ZFYVE26: variants seen among roughly 807,000 people sequenced by gnomAD.
ZFYVE26 encodes zinc finger FYVE domain-containing protein 26.
A neutral mutation model predicts 276.5 loss-of-function variants in ZFYVE26; 181 were observed. That is an observed-to-expected ratio of 0.65 (90% confidence interval 0.58 to 0.74). The LOEUF is 0.74. Ranked by LOEUF, ZFYVE26 falls within the 30% of genes least tolerant of loss-of-function variation. ZFYVE26 has a pLI of 0.00. For missense variants in ZFYVE26, 2,821 were observed against 3,097.9 expected (o/e 0.91, Z 2.12); for synonymous variants, 1,129 against 1,203.1 (o/e 0.94, Z 1.27).
intron 13 of ZFYVE26, among the ~76,000 whole-genome samples, chr14:67,731,682 T>A (rs1422356083): frequency 2.6e-5 from 4 of 152,090 alleles, no homozygotes; most frequent in Non-Finnish European, 5.9e-5. Context: ...AAAACTGGAA[T>A]ACAAAACTAT....
chr14:67,786,646 C>T (rs2039666941), intron 16 of ZFYVE26, among the ~76,000 whole-genome samples: 1 of 152,222 alleles, frequency 6.6e-6, no homozygotes, highest in African/African-American at 2.4e-5. Context: ...CCTTACATCT[C>T]TCCTATACTC....
intron 25 of ZFYVE26, among the ~76,000 whole-genome samples, chr14:67,777,351 A>G (rs1263978603): frequency 6.6e-6 from 1 of 152,230 alleles, no homozygotes; most frequent in African/African-American, 2.4e-5. Flanking sequence ...AGGAGACTCA[A>G]CTAGGATACA....
chr14:67,743,696 C>T (rs1313865490), downstream of ZFYVE26, among the ~76,000 whole-genome samples: 1 of 152,010 alleles, frequency 6.6e-6, no homozygotes, highest in East Asian at 1.9e-4. Flanking sequence ...AAAGGCAGAT[C>T]TGGTGTGGGA....
At chr14:67,730,204 T>A (rs1414784678) in intron 13 of ZFYVE26, among the ~76,000 whole-genome samples, 2 of 152,200 alleles carry the variant, frequency 1.3e-5, no homozygotes, top group Non-Finnish European at 2.9e-5. Context: ...CGCAAGATAA[T>A]TAAGAAACTT....
chr14:67,773,082 A>T (rs1471136803), intron 27 of ZFYVE26, among the ~76,000 whole-genome samples: 1 of 152,216 alleles, frequency 6.6e-6, no homozygotes, highest in Non-Finnish European at 1.5e-5. Context: ...ACAGCTGGAG[A>T]AATTTGAATA....
At chr14:67,749,914 AGTT>A (rs968552233) in intron 41 of ZFYVE26, among the ~76,000 whole-genome samples, 3 of 152,228 alleles carry the variant, frequency 2.0e-5, no homozygotes, top group African/African-American at 7.2e-5. Context: ...AGTTGAATGA[AGTT>A]GTTTTTTGGC....
At chr14:67,745,348 C>G (rs767615893), downstream of ZFYVE26, among the ~76,000 whole-genome samples, 8 of 152,154 alleles carry the variant, frequency 5.3e-5, no homozygotes, top group Non-Finnish European at 8.8e-5. Context: ...CTCTCCCATT[C>G]TGTAGGTTGC....
At chr14:67,789,744 C>T (rs2039762421) in intron 15 of ZFYVE26, 146 bp from the exon 16 acceptor site, 2 of 1,068,530 alleles carry the variant, frequency 1.9e-6, no homozygotes, top group Non-Finnish European at 2.8e-6. Flanking sequence ...CATTATGGCC[C>T]ACTCTTATAG....
At chr14:67,813,861 C>A (rs2040348032) in intron 3 of ZFYVE26, 125 bp downstream of exon 3, 1 of 753,098 alleles carries the variant, frequency 1.3e-6, no homozygotes, top group South Asian at 1.5e-5. Flanking sequence ...TTAAGCCATT[C>A]TTTGAGAATG....
At position 67,806,072 on chromosome 14, in the gene ZFYVE26, T is replaced by C. The variant is rs529696857; in HGVS notation, c.1018-454A>G. Among the ~76,000 whole-genome samples the C allele has an allele frequency of 5.3e-5, 8 of 152,280 alleles. No homozygotes were observed. The South Asian group carries it at 1.7e-3, about 32-fold the overall frequency. On this transcript the variant is annotated intron_variant, in intron 6 of 41. Coordinates refer to ENST00000347230, the MANE Select transcript of ZFYVE26 (RefSeq NM_015346.4). Reference sequence around the variant, plus strand: ...GTGAATTGAGTAAAATAAATGTTTATGAAAACACTAGACTGTGAGCTCCCT... The same window carrying C: ...GTGAATTGAGTAAAATAAATGTTTACGAAAACACTAGACTGTGAGCTCCCT...
intron 10 of ZFYVE26, chr14:67,799,000 C>T (rs778701285): frequency 1.8e-6 from 2 of 1,137,472 alleles, no homozygotes; most frequent in Non-Finnish European, 2.7e-6. Context: ...ATACTCTCTG[C>T]CCTCAGATCC....
At chr14:67,800,686 A>T (rs1455732133) in intron 10 of ZFYVE26, among the ~76,000 whole-genome samples, 3 of 152,164 alleles carry the variant, frequency 2.0e-5, no homozygotes, top group Non-Finnish European at 4.4e-5. Context: ...TGGTATGAGA[A>T]TATATGGAAT....
chr14:67,810,104 C>T (rs2040269719), intron 3 of ZFYVE26, among the ~76,000 whole-genome samples: 1 of 152,156 alleles, frequency 6.6e-6, no homozygotes, highest in African/African-American at 2.4e-5. Flanking sequence ...TCTTTATAAA[C>T]AAAAATAGCT....
At chr14:67,738,331 TTATATACTAATATACTTA>T (rs1338570551) in intron 13 of ZFYVE26, among the ~76,000 whole-genome samples, 1 of 148,382 alleles carries the variant, frequency 6.7e-6, no homozygotes, top group Non-Finnish European at 1.5e-5. Flanking sequence ...TATATAATAA[TTATATACTAATATACTTA>T]TATATACTAA....
At chr14:67,806,268 T>A (rs1445398493) in intron 6 of ZFYVE26, among the ~76,000 whole-genome samples, 1 of 152,252 alleles carries the variant, frequency 6.6e-6, no homozygotes, top group East Asian at 1.9e-4. Flanking sequence ...TTGTTGCCAC[T>A]GCCTTTTCTT....
At chr14:67,763,184 C>T (rs1351799872) in intron 32 of ZFYVE26, among the ~76,000 whole-genome samples, 1 of 152,190 alleles carries the variant, frequency 6.6e-6, no homozygotes, top group African/African-American at 2.4e-5. Context: ...GGATTACAGG[C>T]CTACTCCATT....
intron 1 of ZFYVE26, 99 bp from the exon 2 acceptor site, chr14:67,816,145 C>T: frequency 1.7e-6 from 1 of 572,962 alleles, no homozygotes. Context: ...ACTTGCTTGC[C>T]TAAGTATCGT....
In ZFYVE26 at chr14:67,772,215, G is replaced by A. The variant is rs2039230277; in HGVS notation, c.5321-5C>T. 4 of 1,612,500 alleles carry A rather than the reference G, an allele frequency of 2.5e-6. No homozygotes were observed. The highest frequency in any genetic ancestry group is 1.7e-5 in the Admixed American group (1 of 59,788). ...GGGAATGTATACTGGAGATACCTGG[G>A]AGGCAGAGCCAGAGGTCAGAGTAAA... On this transcript the variant is annotated splice_polypyrimidine_tract_variant and splice_region_variant and intron_variant, in intron 27 of 41. Coordinates refer to ENST00000347230, the MANE Select transcript of ZFYVE26 (RefSeq NM_015346.4).
chr14:67,791,769 G>T (rs1041288192), intron 14 of ZFYVE26, among the ~76,000 whole-genome samples: 1 of 152,024 alleles, frequency 6.6e-6, no homozygotes, highest in Admixed American at 6.6e-5. Flanking sequence ...TATTAGAAAG[G>T]CTGGGGAGGG....
Sources: allele counts gnomAD v4.1 joint callset (sites outside exome capture counted in the v4.1 genomes callset), GRCh38; gene constraint gnomAD v4.1.1; transcripts MANE v1.5; gene names NCBI Gene and HGNC (gene_info 2026-07-23, HGNC 2026-07-21).